THRA: variants seen among roughly 807,000 people sequenced by gnomAD.
THRA encodes the protein EAR-7.
In THRA, 13 loss-of-function variants were observed where a neutral mutation model predicts 45.0. The observed-to-expected ratio is 0.29, with a 90% CI of 0.19 to 0.46. The LOEUF is 0.46. Among genes scored for constraint, THRA ranks in the 20% least tolerant of loss-of-function variants. The pLI is 1.00. For synonymous variants in THRA, 195 were observed against 214.0 expected (o/e 0.91, Z 0.78); for missense variants, 278 against 556.1 (o/e 0.50, Z 5.03).
chr17:40,065,443 CTCTG>C (rs1337649632), intron 1 of THRA, among the ~76,000 whole-genome samples: 1 of 152,166 alleles, frequency 6.6e-6, no homozygotes, highest in Non-Finnish European at 1.5e-5. Flanking sequence ...TTCTCTCTAA[CTCTG>C]TCTCTCTGTT....
chr17:40,093,866 A>G, downstream of THRA: 5 of 1,575,658 alleles, frequency 3.2e-6, no homozygotes, highest in Non-Finnish European at 4.4e-6. This position sits in a 1 kb window ranked among gnomAD's most constrained non-coding sequence, Gnocchi z 5.9. Context: ...TGTTGAATTG[A>G]ACTGCGTCTG....
chr17:40,084,506 C>T, intron 5 of THRA, 104 bp from the exon 6 acceptor site: 4 of 1,339,476 alleles, frequency 3.0e-6, no homozygotes, highest in Non-Finnish European at 3.1e-6. Flanking sequence ...CTCCATGGCC[C>T]TCGGTTTCTC....
chr17:40,074,037 A>T (rs1986866790), intron 1 of THRA, among the ~76,000 whole-genome samples, 155 bp from the exon 2 acceptor site: 1 of 151,968 alleles, frequency 6.6e-6, no homozygotes, highest in African/African-American at 2.4e-5. Flanking sequence ...CCTGTTATCT[A>T]AGGGATCATC....
chr17:40,088,433 ACT>A lies in THRA; in HGVS notation c.920_921del (p.Ser307CysfsTer3). 1 of 1,613,870 alleles carries A rather than the reference ACT, an allele frequency of 6.2e-7. No homozygotes were observed. Among genetic ancestry groups the A allele is most frequent in the Non-Finnish European group, 8.5e-7 (1 of 1,179,920 alleles). ...ACGCCATCTTTGAACTGGGCAAGTC[ACT>A]CTCTGCCTTTAACCTGGATGACACG... Reference protein sequence around the residue: ...SDAIFELGKSLSAFNLDDTEV... With the variant: ...SDAIFELGKSXSAFNLDDTEV... On this transcript the variant is annotated frameshift_variant, in exon 8 of 9. Transcript: ENST00000450525. LOFTEE classifies it high-confidence loss of function.
intron 2 of THRA, among the ~76,000 whole-genome samples, chr17:40,075,871 G>A (rs1029422484): frequency 1.3e-5 from 2 of 152,214 alleles, no homozygotes. Context: ...TAATCCCCAC[G>A]GGGCGTGGAG....
intron 1 of THRA, among the ~76,000 whole-genome samples, chr17:40,072,685 C>T (rs1301579341): frequency 2.0e-5 from 3 of 152,110 alleles, no homozygotes; most frequent in Admixed American, 6.5e-5. Flanking sequence ...TAGCGGCCCT[C>T]GCCCCCTGCC....
downstream of THRA, chr17:40,093,308 G>A (rs374743711): frequency 4.3e-6 from 7 of 1,613,336 alleles, no homozygotes; most frequent in African/African-American, 4.0e-5. This position sits in a 1 kb window ranked among gnomAD's most constrained non-coding sequence, Gnocchi z 5.9. Context: ...CAGCAGTGAG[G>A]CGGACTCCCC....
At chr17:40,066,810 G>A (rs1402015189) in intron 1 of THRA, among the ~76,000 whole-genome samples, 1 of 152,164 alleles carries the variant, frequency 6.6e-6, no homozygotes, top group African/African-American at 2.4e-5. Context: ...CTGAATCCCA[G>A]CTCTGTCACT....
chr17:40,075,369 A>G (rs767660178), intron 2 of THRA, among the ~76,000 whole-genome samples: 27 of 152,162 alleles, frequency 1.8e-4, no homozygotes, highest in Admixed American at 1.2e-3. Context: ...ATCCCGAGCC[A>G]GGAAGCCAGA....
At chr17:40,075,899 CTG>C (rs1200260965) in intron 2 of THRA, among the ~76,000 whole-genome samples, 5 of 152,370 alleles carry the variant, frequency 3.3e-5, no homozygotes, top group East Asian at 1.9e-4. Flanking sequence ...TTGTCTGTGA[CTG>C]TGACCCTGGC....
rs748916925 is a variant in THRA, at chr17:40,086,693, G to A, written c.577-14G>A. On this transcript the variant is annotated splice_polypyrimidine_tract_variant and intron_variant, in intron 6 of 8. Transcript: ENST00000450525. The stretch of plus-strand genomic sequence containing the variant: ...GGGTCTGCGGCCCCAGCTGACCCCC[G>A]TCTTTCTCTCTAGCCCGATGACATT... 49 of 1,610,028 alleles carry A rather than the reference G, an allele frequency of 3.0e-5. No individual in the cohort carries two copies. Among genetic ancestry groups the A allele is most frequent in the Non-Finnish European group, 3.2e-5 (38 of 1,176,856 alleles).
At chr17:40,072,299 C>G (rs1159064022) in intron 1 of THRA, 2 of 152,550 alleles carry the variant, frequency 1.3e-5, no homozygotes, top group African/African-American at 4.8e-5. Context: ...CCACAGCAGC[C>G]AGTGCTCATT....
At chr17:40,080,387 A>G (rs1326237307) in intron 4 of THRA, among the ~76,000 whole-genome samples, 1 of 152,018 alleles carries the variant, frequency 6.6e-6, no homozygotes, top group African/African-American at 2.4e-5. Flanking sequence ...CCTGGGCGAC[A>G]GAACAAGACC....
At chr17:40,069,066 C>T (rs1371668440) in intron 1 of THRA, 3 of 152,172 alleles carry the variant, frequency 2.0e-5, no homozygotes, top group South Asian at 2.1e-4. Context: ...TGCATTCACG[C>T]GCGCGCTCTC....
intron 6 of THRA, 107 bp from the exon 7 acceptor site, chr17:40,086,600 G>GC: frequency 7.0e-7 from 1 of 1,432,384 alleles, no homozygotes; most frequent in South Asian, 1.4e-5. Context: ...GGCACGGGCG[G>GC]CCCCTCTTCC....
At chr17:40,081,145 C>T (rs1289680205) in intron 4 of THRA, among the ~76,000 whole-genome samples, 1 of 152,178 alleles carries the variant, frequency 6.6e-6, no homozygotes, top group Non-Finnish European at 1.5e-5. Context: ...CTTCATCTCA[C>T]CAAGCTTCAG....
At chr17:40,082,946 T>A (rs1418730087) in intron 4 of THRA, among the ~76,000 whole-genome samples, 2 of 146,856 alleles carry the variant, frequency 1.4e-5, no homozygotes, top group African/African-American at 5.0e-5. Context: ...TTTTTTTTTT[T>A]ATACGGAGTC....
At position 40,076,910 on chromosome 17, in the gene THRA, C is replaced by G. The variant is rs747306415; in HGVS notation, c.93C>G (p.Gly31=). The change falls in exon 3 of 9, where the codon GGC becomes GGG. Residue 31 remains glycine (G), a synonymous_variant. Coordinates refer to ENST00000450525, the MANE Select transcript of THRA (RefSeq NM_199334.5). ...ATGGAAAGCGAAAAAGAAAGAACGG[C>G]CAATGTTCCCTGAAAACCAGCATGT... ...SPDGKRKRKN[G]QCSLKTSMSG... 6.2e-7 allele frequency: 1 copy of G among 1,614,118 alleles called. No individual in the cohort carries two copies. Among genetic ancestry groups the G allele is most frequent in the Non-Finnish European group, 8.5e-7 (1 of 1,180,008 alleles).
chr17:40,087,900 A>T (rs12453017), intron 7 of THRA, among the ~76,000 whole-genome samples: 1 of 152,080 alleles, frequency 6.6e-6, no homozygotes, highest in Non-Finnish European at 1.5e-5. Flanking sequence ...CTGGGACTAC[A>T]GGCATGTGCC....
Sources: allele counts gnomAD v4.1 joint callset (sites outside exome capture counted in the v4.1 genomes callset), GRCh38; gene constraint gnomAD v4.1.1; non-coding constraint Gnocchi (gnomAD v3.1); transcripts MANE v1.5; gene names NCBI Gene and HGNC (gene_info 2026-07-23, HGNC 2026-07-21).